KCNIP4: variants seen among roughly 807,000 people sequenced by gnomAD.
The protein encoded by KCNIP4 is potassium voltage-gated channel interacting protein 4.
Under a neutral mutation model 34.0 loss-of-function variants are expected in KCNIP4, and 12 were observed. That is an observed-to-expected ratio of 0.35 (90% CI 0.23 to 0.57). The LOEUF (loss-of-function observed/expected upper bound fraction) is 0.57, where lower values mean the gene tolerates loss of function less well. Ranked by LOEUF, KCNIP4 falls within the 20% of genes least tolerant of loss-of-function variation. KCNIP4 has a pLI of 0.83. For missense variants in KCNIP4, 238 were observed against 311.7 expected (o/e 0.76, Z 1.78); for synonymous variants, 124 against 102.2 (o/e 1.21, Z -1.29).
intron 3 of KCNIP4, among the ~76,000 whole-genome samples, chr4:20,816,747 C>A (rs1179957740): frequency 1.3e-5 from 2 of 152,156 alleles, no homozygotes; most frequent in African/African-American, 4.8e-5. Context: ...ACTGAAAGAA[C>A]CGTGGAGGTT....
chr4:20,822,853 T>C (rs981265755), intron 3 of KCNIP4, among the ~76,000 whole-genome samples: 3 of 152,118 alleles, frequency 2.0e-5, no homozygotes, highest in African/African-American at 2.4e-5. Context: ...TCATGAGTGG[T>C]CCACCCTCAG....
intron 1 of KCNIP4, among the ~76,000 whole-genome samples, chr4:21,385,739 G>A (rs1015584200): frequency 2.0e-5 from 3 of 152,114 alleles, no homozygotes; most frequent in Admixed American, 6.6e-5. Context: ...AGCTTAGACC[G>A]AGAGATTAGA....
intron 1 of KCNIP4, among the ~76,000 whole-genome samples, chr4:21,144,416 T>C (rs1300025926): frequency 6.6e-6 from 1 of 152,208 alleles, no homozygotes; most frequent in Non-Finnish European, 1.5e-5. Flanking sequence ...TGTTTATTCA[T>C]CCCAGAGTTT....
At chr4:20,958,417 A>G (rs933485060) in intron 1 of KCNIP4, among the ~76,000 whole-genome samples, 23 of 152,216 alleles carry the variant, frequency 1.5e-4, no homozygotes, top group African/African-American at 5.1e-4. Flanking sequence ...ATTCTTTCTA[A>G]TGACTTCAAC....
At chr4:21,838,459 T>G (rs1723478843) in intron 1 of KCNIP4, among the ~76,000 whole-genome samples, 1 of 152,220 alleles carries the variant, frequency 6.6e-6, no homozygotes, top group African/African-American at 2.4e-5. Context: ...CGTGGTCTCA[T>G]GGAGAACCTT....
intron 1 of KCNIP4, among the ~76,000 whole-genome samples, chr4:21,606,178 T>C (rs1437522779): frequency 6.6e-6 from 1 of 152,174 alleles, no homozygotes; most frequent in Non-Finnish European, 1.5e-5. Context: ...AGAAAGGATA[T>C]TTCTGGCAAT....
intron 1 of KCNIP4, among the ~76,000 whole-genome samples, chr4:21,599,746 G>A (rs1257283278): frequency 6.6e-6 from 1 of 152,080 alleles, no homozygotes; most frequent in Non-Finnish European, 1.5e-5. Flanking sequence ...CAAGCTGACT[G>A]CTGTATTCTG....
chr4:21,415,752 T>C (rs1176371330), intron 1 of KCNIP4, among the ~76,000 whole-genome samples: 1 of 151,946 alleles, frequency 6.6e-6, no homozygotes, highest in East Asian at 1.9e-4. Flanking sequence ...AGAGTAGTTC[T>C]CATTTTAAAT....
At chr4:20,947,729 T>G (rs918485186) in intron 1 of KCNIP4, among the ~76,000 whole-genome samples, 3 of 152,160 alleles carry the variant, frequency 2.0e-5, no homozygotes, top group Non-Finnish European at 4.4e-5. Context: ...ACAACAACAG[T>G]CAACACTGAC....
chr4:21,414,969 C>A (rs79944657), intron 1 of KCNIP4, among the ~76,000 whole-genome samples: 3,293 of 152,054 alleles, frequency 0.022, 125 homozygotes, highest in African/African-American at 0.075. Context: ...TCTAATTGTA[C>A]TGTCTCAGTT....
intron 1 of KCNIP4, among the ~76,000 whole-genome samples, chr4:21,017,697 G>A (rs1369267530): frequency 6.6e-6 from 1 of 152,066 alleles, no homozygotes; most frequent in East Asian, 1.9e-4. Context: ...ATTCCTTTGG[G>A]TATATACCCA....
chr4:21,106,124 G>T (rs979424641), intron 1 of KCNIP4, among the ~76,000 whole-genome samples: 3 of 151,608 alleles, frequency 2.0e-5, no homozygotes, highest in Non-Finnish European at 4.4e-5. Flanking sequence ...ATGAGTTAGG[G>T]AGGATTCCCT....
intron 1 of KCNIP4, among the ~76,000 whole-genome samples, chr4:21,329,633 G>A (rs1318726670): frequency 6.6e-6 from 1 of 152,156 alleles, no homozygotes; most frequent in African/African-American, 2.4e-5. Flanking sequence ...TAATTCTGCT[G>A]ACAGTGGGTC....
At chr4:21,694,933 A>AAAAAAAAT (rs1553921799) in intron 1 of KCNIP4, among the ~76,000 whole-genome samples, 2 of 61,458 alleles carry the variant, frequency 3.3e-5, no homozygotes, top group African/African-American at 8.5e-5. Context: ...AAAAAAAATA[A>AAAAAAAAT]AAATAAATAA....
At chr4:20,846,921 A>G (rs1720453155) in intron 3 of KCNIP4, among the ~76,000 whole-genome samples, 1 of 152,232 alleles carries the variant, frequency 6.6e-6, no homozygotes, top group Admixed American at 6.5e-5. Flanking sequence ...CAAGCATAGT[A>G]GCCACTATTT....
intron 1 of KCNIP4, among the ~76,000 whole-genome samples, chr4:20,948,311 A>T (rs1186169532): frequency 6.6e-6 from 1 of 152,154 alleles, no homozygotes; most frequent in Non-Finnish European, 1.5e-5. Context: ...TATTGACCCA[A>T]ATCTTTCATT....
intron 1 of KCNIP4, among the ~76,000 whole-genome samples, chr4:21,669,650 G>A (rs1317984398): frequency 6.6e-6 from 1 of 152,028 alleles, no homozygotes; most frequent in East Asian, 1.9e-4. Flanking sequence ...AATTTATAGA[G>A]CAGATAATGC....
At chr4:21,241,279 A>G (rs1268754136) in intron 1 of KCNIP4, among the ~76,000 whole-genome samples, 1 of 152,224 alleles carries the variant, frequency 6.6e-6, no homozygotes, top group Non-Finnish European at 1.5e-5. Context: ...ACAAAGCAAC[A>G]ATAACCTTTT....
chr4:21,202,157 A>G (rs1756544257), intron 1 of KCNIP4, among the ~76,000 whole-genome samples: 1 of 152,228 alleles, frequency 6.6e-6, no homozygotes, highest in Admixed American at 6.5e-5. Context: ...TCAAAAAGAC[A>G]CATGCACCCC....
Sources: allele counts gnomAD v4.1 joint callset (sites outside exome capture counted in the v4.1 genomes callset), GRCh38; gene constraint gnomAD v4.1.1; transcripts MANE v1.5; gene names NCBI Gene and HGNC (gene_info 2026-07-23, HGNC 2026-07-21).